The following CCAR1 variants were observed in gnomAD, a reference collection of about 807,000 sequenced individuals.
The protein encoded by CCAR1 is cell division cycle and apoptosis regulator protein 1.
Under a neutral mutation model 163.8 loss-of-function variants are expected in CCAR1, and 78 were observed. The ratio of observed to expected loss-of-function variants is 0.48; its 90% CI spans 0.40 to 0.57. The LOEUF (loss-of-function observed/expected upper bound fraction) is 0.57. Among genes scored for constraint, CCAR1 ranks in the 20% least tolerant of loss-of-function variants. The probability of loss-of-function intolerance (pLI) is 0.00; values close to 1 mark genes in which losing one functional copy is unlikely to be tolerated. For synonymous variants in CCAR1, 443 were observed against 460.7 expected (o/e 0.96, Z 0.49); for missense variants, 1,019 against 1,365.2 (o/e 0.75, Z 4.00).
intron 2 of CCAR1, among the ~76,000 whole-genome samples, chr10:68,734,884 T>A (rs1187479363): frequency 6.6e-6 from 1 of 152,188 alleles, no homozygotes; most frequent in Non-Finnish European, 1.5e-5. Flanking sequence ...ACCTTTATCA[T>A]ATTCTCCTCA....
intron 6 of CCAR1, among the ~76,000 whole-genome samples, chr10:68,746,885 C>CT (rs1346190006): frequency 2.0e-5 from 3 of 151,980 alleles, no homozygotes; most frequent in African/African-American, 4.8e-5. Context: ...GCCCCATCTA[C>CT]TTTTTTTATT....
intron 2 of CCAR1, among the ~76,000 whole-genome samples, chr10:68,723,676 G>A (rs1400619773): frequency 6.0e-5 from 9 of 148,854 alleles, no homozygotes; most frequent in African/African-American, 4.9e-5. Flanking sequence ...GTGTAACCCC[G>A]TCTCTACTAA....
At chr10:68,782,717 C>T (rs2056751128) in intron 19 of CCAR1, among the ~76,000 whole-genome samples, 1 of 152,146 alleles carries the variant, frequency 6.6e-6, no homozygotes, top group Admixed American at 6.6e-5. Context: ...CCTACCGTAC[C>T]TGTGCCCTAG....
chr10:68,762,104 C>T (rs942508846), intron 16 of CCAR1, among the ~76,000 whole-genome samples: 3 of 151,466 alleles, frequency 2.0e-5, no homozygotes, highest in South Asian at 2.1e-4. Context: ...CCGAGGTGGG[C>T]GGATCACGAG....
chr10:68,777,728 T>TC (rs1395554129), intron 19 of CCAR1, among the ~76,000 whole-genome samples: 1 of 149,018 alleles, frequency 6.7e-6, no homozygotes, highest in East Asian at 2.0e-4. Context: ...GCTCAGGAGT[T>TC]CAAGACCAGC....
chr10:68,772,399 C>T (rs1252162027), intron 18 of CCAR1, among the ~76,000 whole-genome samples: 1 of 151,938 alleles, frequency 6.6e-6, no homozygotes, highest in Non-Finnish European at 1.5e-5. Context: ...AGGAGGATTG[C>T]CTGAACCCAG....
chr10:68,753,941 A>T lies in CCAR1; in HGVS notation c.1208A>T (p.Asp403Val), dbSNP rs748749693. The change falls in exon 11 of 25, where the codon GAT becomes GTT. Residue 403 changes from aspartate to valine, a missense_variant. Asp to Val is a radical substitution (Grantham distance 152). Coordinates refer to ENST00000265872, the MANE Select transcript of CCAR1 (RefSeq NM_018237.4). ...DFFDAQFTWVDAFPLSRPFQL... is the reference protein window; with the variant it reads ...DFFDAQFTWVVAFPLSRPFQL... The stretch of plus-strand genomic sequence containing the variant: ...TTTGATGCTCAATTTACATGGGTGG[A>T]TGCTTTCCCTTTGTCAAGACCATTT... 6.2e-7 allele frequency: 1 copy of T among 1,613,952 alleles called. No individual in the cohort carries two copies. The highest frequency in any genetic ancestry group is 1.3e-5 in the African/African-American group (1 of 74,914).
intron 15 of CCAR1, 50 bp downstream of exon 15, chr10:68,757,427 C>T (rs758378561): frequency 9.5e-7 from 1 of 1,051,418 alleles, no homozygotes; most frequent in Non-Finnish European, 1.5e-6. Flanking sequence ...TTAAAAAGTT[C>T]TTTCTGAGAT....
chr10:68,727,821 AT>A (rs1317933013), intron 2 of CCAR1, among the ~76,000 whole-genome samples: 1 of 151,924 alleles, frequency 6.6e-6, no homozygotes, highest in Non-Finnish European at 1.5e-5. Context: ...ATCTTATTTT[AT>A]TTTTTTGAAC....
rs1287656311 is a variant in CCAR1 at position 68,790,843 on chromosome 10, A to G, written c.3394-364A>G. On this transcript the variant is annotated intron_variant, in intron 24 of 24. Transcript: ENST00000265872. ...AACCCCGTCTCTACTAAAAATATAA[A>G]AAAACTGCGAGACTCTGTCTCAAAA... Among the ~76,000 whole-genome samples, 4 of 151,666 alleles carry G rather than the reference A, an allele frequency of 2.6e-5. No individual in the cohort carries two copies. In the South Asian group the frequency reaches 8.4e-4, roughly 32 times the overall value.
intron 2 of CCAR1, among the ~76,000 whole-genome samples, chr10:68,730,324 A>G (rs1229089422): frequency 1.4e-5 from 2 of 148,112 alleles, no homozygotes; most frequent in Non-Finnish European, 3.0e-5. Flanking sequence ...TTTTTAAAAA[A>G]GAATATATAT....
intron 24 of CCAR1, among the ~76,000 whole-genome samples, chr10:68,790,519 G>GT (rs1194546366): frequency 1.1e-4 from 16 of 151,752 alleles, no homozygotes; most frequent in East Asian, 3.9e-4. Flanking sequence ...ACTTCTCTGT[G>GT]TTTTTTTTGT....
chr10:68,749,526 G>A lies in CCAR1; in HGVS notation c.959G>A (p.Arg320His), dbSNP rs755201637. The A allele has an allele frequency of 5.0e-6, 8 of 1,604,666 alleles. No homozygotes were observed. Among genetic ancestry groups the A allele is most frequent in the South Asian group, 2.2e-5 (2 of 89,466 alleles). The change falls in exon 10 of 25, where the codon CGT becomes CAT. Residue 320 changes from arginine to histidine, a missense_variant and splice_region_variant. Around this residue, in one of 4 missense-constraint regions of CCAR1, gnomAD observed 644 missense variants for 904.4 expected, o/e 0.71. Transcript: ENST00000265872. ...QVPNRKDDRS[R>H]ERERERRRSR... Reference sequence around the variant, plus strand: ...ATTTTAGAAAAATTTGCTTTCAGTCGTGAGAGAGAGAGAGAAAGACGTAGA... The same window carrying A: ...ATTTTAGAAAAATTTGCTTTCAGTCATGAGAGAGAGAGAGAAAGACGTAGA...
intron 8 of CCAR1, among the ~76,000 whole-genome samples, 175 bp downstream of exon 8, chr10:68,747,741 T>C (rs752766577): frequency 1.6e-4 from 24 of 152,278 alleles, no homozygotes; most frequent in Non-Finnish European, 2.5e-4. Flanking sequence ...CTCTTAGTGA[T>C]AAGAAATTAA....
At chr10:68,743,222 C>T (rs188922440) in intron 6 of CCAR1, among the ~76,000 whole-genome samples, 18 of 146,510 alleles carry the variant, frequency 1.2e-4, no homozygotes, top group South Asian at 4.4e-4. Flanking sequence ...TTTGAGACAG[C>T]GCCTCACTCT....
intron 16 of CCAR1, among the ~76,000 whole-genome samples, chr10:68,764,702 G>T (rs960783181): frequency 2.0e-5 from 3 of 151,952 alleles, no homozygotes; most frequent in Non-Finnish European, 4.4e-5. Context: ...CTACAGATAG[G>T]GTCAGATACA....
At chr10:68,752,026 C>G (rs966250522) in intron 10 of CCAR1, among the ~76,000 whole-genome samples, 6 of 149,260 alleles carry the variant, frequency 4.0e-5, no homozygotes, top group African/African-American at 1.5e-4. Flanking sequence ...ACGCCATTCT[C>G]CTGCCTCAGC....
intron 21 of CCAR1, 105 bp downstream of exon 21, chr10:68,786,797 T>C: frequency 9.8e-7 from 1 of 1,018,816 alleles, no homozygotes; most frequent in Non-Finnish European, 1.4e-6. Context: ...ATTAAAGCAA[T>C]ATAAGGGCCA....
chr10:68,745,465 C>CTT lies in CCAR1; in HGVS notation c.519-1683_519-1682dup, dbSNP rs113324430. 5.0e-5 allele frequency among the ~76,000 whole-genome samples: 7 copies of CTT among 140,884 alleles called. 1 individual carries two copies. Among genetic ancestry groups the CTT allele is most frequent in the African/African-American group, 1.0e-4 (4 of 38,502 alleles). The allele number at this position is 140,884 out of a possible 152,430, so 92.4% of individuals were successfully genotyped here. A position where few individuals can be genotyped will look rare whatever the true frequency, so the allele number is the denominator to read the frequency against. The stretch of plus-strand genomic sequence containing the variant: ...TCTAGGCCCATGCTACCACGTCCAG[C>CTT]TTTTTTTTTTTTTTGGAGACCGAGT... On this transcript the variant is annotated intron_variant, in intron 6 of 24. Coordinates refer to ENST00000265872, the MANE Select transcript of CCAR1 (RefSeq NM_018237.4).
Sources: gnomAD v4.1 joint callset for allele counts (sites outside exome capture counted in the v4.1 genomes callset) on GRCh38, gnomAD v4.1.1 for gene constraint, gnomAD v4.1.1 regional missense constraint, MANE v1.5 for transcripts, NCBI Gene and HGNC (gene_info 2026-07-23, HGNC 2026-07-21) for gene names.